SLMAP: variants seen among roughly 807,000 people sequenced by gnomAD.
SLMAP encodes the protein sarcolemmal membrane-associated protein.
SLMAP carries 44 observed loss-of-function variants against 128.8 expected under a neutral mutation model. The ratio of observed to expected loss-of-function variants is 0.34; its 90% CI spans 0.27 to 0.44. The LOEUF (loss-of-function observed/expected upper bound fraction) is 0.44, where lower values mean the gene tolerates loss of function less well. SLMAP is among the 20% of genes least tolerant of loss of function. The pLI, the probability that SLMAP is intolerant of heterozygous loss-of-function variation, is 1.00. For synonymous variants in SLMAP, 327 were observed against 348.8 expected (o/e 0.94, Z 0.70); for missense variants, 787 against 985.3 (o/e 0.80, Z 2.69).
intron 8 of SLMAP, 33 bp from the exon 9 acceptor site, chr3:57,860,666 C>T: frequency 2.8e-6 from 4 of 1,441,690 alleles, no homozygotes; most frequent in Non-Finnish European, 3.7e-6. Context: ...TAAAAAATAA[C>T]TTGTCTATAA....
intron 14 of SLMAP, among the ~76,000 whole-genome samples, chr3:57,873,682 T>C (rs916474196): frequency 2.0e-5 from 3 of 152,086 alleles, no homozygotes; most frequent in Non-Finnish European, 4.4e-5. Context: ...TAATCTAAAA[T>C]GCAAATCTTT....
intron 2 of SLMAP, among the ~76,000 whole-genome samples, chr3:57,805,868 A>G (rs928682003): frequency 1.8e-4 from 27 of 151,990 alleles, no homozygotes; most frequent in African/African-American, 4.8e-4. Flanking sequence ...TTTGTTTTTC[A>G]TGATGTTTCA....
intron 4 of SLMAP, among the ~76,000 whole-genome samples, chr3:57,843,055 A>G (rs185383954): frequency 6.6e-6 from 1 of 152,230 alleles, no homozygotes; most frequent in African/African-American, 2.4e-5. Context: ...TACTTGGCAT[A>G]TAATAAGCAC....
chr3:57,867,438 G>C (rs2361352), intron 13 of SLMAP, among the ~76,000 whole-genome samples: 37,911 of 151,936 alleles, frequency 0.25, 5,211 homozygotes, highest in East Asian at 0.48. Context: ...AAGACTCCTT[G>C]ATTTTAAGAA....
chr3:57,761,583 CTG>C (rs2078648830), intron 2 of SLMAP, among the ~76,000 whole-genome samples: 1 of 152,084 alleles, frequency 6.6e-6, no homozygotes, highest in South Asian at 2.1e-4. Flanking sequence ...GCATGAGCCA[CTG>C]TGCTTGGCCA....
chr3:57,806,287 T>C (rs1236726792), intron 2 of SLMAP, among the ~76,000 whole-genome samples: 2 of 152,100 alleles, frequency 1.3e-5, no homozygotes, highest in African/African-American at 2.4e-5. Context: ...AGCTGCCACT[T>C]ATGAGTGAGA....
chr3:57,839,434 ATTTTTTT>A (rs1189313640), intron 3 of SLMAP, among the ~76,000 whole-genome samples: 2 of 82,866 alleles, frequency 2.4e-5, no homozygotes, highest in Non-Finnish European at 4.5e-5. Context: ...CATTAGCTCT[ATTTTTTT>A]TTTTTTTTTT....
chr3:57,757,563 G>T lies in SLMAP; in HGVS notation c.-89G>T. The T allele has an allele frequency of 8.0e-7, 1 of 1,253,516 alleles. No individual in the cohort carries two copies. 77.6% of individuals were successfully genotyped at this position (1,253,516 alleles called of 1,614,324 possible). ...TGTGTTAATTTAAAATTTTGGGTGG[G>T]ATAGGGGCATAGGCTTGTGAAGGGC... On this transcript the variant is annotated 5_prime_UTR_variant, in exon 2 of 25. Coordinates refer to ENST00000671191, the MANE Select transcript of SLMAP (RefSeq NM_001377540.1).
intron 2 of SLMAP, among the ~76,000 whole-genome samples, chr3:57,768,856 C>T (rs563491415): frequency 6.6e-6 from 1 of 152,100 alleles, no homozygotes; most frequent in Non-Finnish European, 1.5e-5. Flanking sequence ...ATTTTGCCCT[C>T]ACAAAGCTGT....
chr3:57,909,185 T>C (rs1450229187), intron 19 of SLMAP, 35 bp downstream of exon 19: 3 of 1,463,146 alleles, frequency 2.1e-6, no homozygotes, highest in East Asian at 2.3e-5. Flanking sequence ...GAGATTGTTA[T>C]TGTGTGTTTG....
At chr3:57,839,756 A>G (rs2093831976) in intron 3 of SLMAP, among the ~76,000 whole-genome samples, 1 of 152,168 alleles carries the variant, frequency 6.6e-6, no homozygotes, top group African/African-American at 2.4e-5. Context: ...GGCACCCACC[A>G]TCATGTTGAG....
Position 57,884,835 on chromosome 3 carries a change from A to T in SLMAP, c.1301-5206A>T, listed in dbSNP as rs554630211. ...AAAAAAAATAAAATAAAAAAATAAA[A>T]GTCTCCCAACAAACTGCCATTGTGT... On this transcript the variant is annotated intron_variant, in intron 14 of 24. Coordinates refer to ENST00000671191, the MANE Select transcript of SLMAP (RefSeq NM_001377540.1). Among the ~76,000 whole-genome samples the T allele has an allele frequency of 9.9e-5, 15 of 152,172 alleles. 1 individual carries two copies. In the South Asian group the frequency reaches 3.1e-3, roughly 32 times the overall value.
chr3:57,791,135 C>A (rs2085364112), intron 2 of SLMAP, among the ~76,000 whole-genome samples: 1 of 152,104 alleles, frequency 6.6e-6, no homozygotes, highest in Non-Finnish European at 1.5e-5. Flanking sequence ...GCGGGCAGAT[C>A]ACTTGATGTC....
intron 13 of SLMAP, among the ~76,000 whole-genome samples, chr3:57,869,103 G>C (rs942770291): frequency 3.5e-5 from 5 of 143,190 alleles, no homozygotes; most frequent in African/African-American, 1.3e-4. Flanking sequence ...CAATCACAAG[G>C]TCCCACATAG....
chr3:57,786,576 A>G (rs1576464868), intron 2 of SLMAP, among the ~76,000 whole-genome samples: 1 of 148,172 alleles, frequency 6.7e-6, no homozygotes, highest in East Asian at 2.0e-4. Context: ...TTTTTTTTAA[A>G]GACAGAGTCT....
chr3:57,857,881 A>G (rs972150818), intron 7 of SLMAP, 53 bp downstream of exon 7: 13 of 1,227,838 alleles, frequency 1.1e-5, no homozygotes, highest in Non-Finnish European at 1.5e-5. Context: ...TTAATATTCC[A>G]TACATGTTAA....
At chr3:57,760,014 A>G (rs1040768170) in intron 2 of SLMAP, among the ~76,000 whole-genome samples, 5 of 152,160 alleles carry the variant, frequency 3.3e-5, no homozygotes, top group African/African-American at 1.2e-4. Context: ...ACCTCAGCTC[A>G]CTGCAACGTC....
intron 2 of SLMAP, among the ~76,000 whole-genome samples, chr3:57,807,317 G>T (rs913366578): frequency 1.3e-5 from 2 of 152,124 alleles, no homozygotes; most frequent in Non-Finnish European, 2.9e-5. Flanking sequence ...TAGGTTGCCT[G>T]TTTATTCTTC....
intron 5 of SLMAP, 138 bp downstream of exon 5, chr3:57,847,371 T>C (rs962701397): frequency 1.8e-6 from 1 of 566,356 alleles, no homozygotes; most frequent in Non-Finnish European, 3.1e-6. Flanking sequence ...TATATAGTTA[T>C]TATAATCTTC....
Sources: gnomAD v4.1 joint callset for allele counts (sites outside exome capture counted in the v4.1 genomes callset) on GRCh38, gnomAD v4.1.1 for gene constraint, MANE v1.5 for transcripts, NCBI Gene and HGNC (gene_info 2026-07-23, HGNC 2026-07-21) for gene names.